The following FAIM2 variants were observed in gnomAD, a reference collection of about 807,000 sequenced individuals.
FAIM2 encodes protein lifeguard 2.
A neutral mutation model predicts 47.4 loss-of-function variants in FAIM2; 27 were observed. The observed-to-expected ratio is 0.57, with a 90% CI of 0.42 to 0.78. FAIM2 has a LOEUF of 0.78. FAIM2 is among the 30% of genes least tolerant of loss of function. The pLI, the probability that FAIM2 is intolerant of heterozygous loss-of-function variation, is 0.00. For synonymous variants in FAIM2, 156 were observed against 159.3 expected, an observed-to-expected ratio of 0.98 and a Z score of 0.16; for missense variants, 311 against 389.4, an observed-to-expected ratio of 0.80 and a Z score of 1.69.
chr12:49,881,609 C>T (rs1592788432), intron 11 of FAIM2, among the ~76,000 whole-genome samples: 1 of 152,292 alleles, frequency 6.6e-6, no homozygotes, highest in Middle Eastern at 3.4e-3. Flanking sequence ...GCCCGACCCT[C>T]GTGCTTCCTG....
At chr12:49,890,236 C>T (rs1946890779) in intron 7 of FAIM2, 82 bp from the exon 8 acceptor site, 6 of 1,291,328 alleles carry the variant, frequency 4.6e-6, no homozygotes, top group Non-Finnish European at 5.6e-6. Context: ...CTCAGGTCTC[C>T]ACCCCTTGCA....
At chr12:49,886,838 T>G (rs970855916) in intron 11 of FAIM2, among the ~76,000 whole-genome samples, 2 of 152,186 alleles carry the variant, frequency 1.3e-5, no homozygotes, top group African/African-American at 4.8e-5. Flanking sequence ...AATTAAATGC[T>G]ATGGAGAGCT....
At chr12:49,877,413 G>A (rs996171097) in intron 11 of FAIM2, among the ~76,000 whole-genome samples, 4 of 97,306 alleles carry the variant, frequency 4.1e-5, no homozygotes, top group African/African-American at 1.7e-4. Flanking sequence ...CAGTGGCAGA[G>A]GGTGGGCGAC....
rs1282034410 is a variant in FAIM2 at position 49,870,230 on chromosome 12, C to T, written c.*274G>A. On this transcript the variant is annotated 3_prime_UTR_variant, in exon 12 of 12. Transcript: ENST00000320634. ...TTCTCCTCCTTGTCCCTTGGACCCT[C>T]AAACCCAGAGGAGCCTTCAGCCTTG... 2 of 357,342 alleles carry T rather than the reference C, an allele frequency of 5.6e-6. No homozygotes were observed. Among genetic ancestry groups the T allele is most frequent in the Non-Finnish European group, 1.0e-5 (2 of 192,688 alleles). The allele number at this position is 357,342 out of a possible 1,614,324, so 22.1% of individuals were successfully genotyped here. A position where few individuals can be genotyped will look rare whatever the true frequency, so the allele number is the denominator to read the frequency against.
chr12:49,901,013 AG>A lies in FAIM2; in HGVS notation c.211+116del. ...CCAAATCCTAAGCATCTAACAACAC[AG>A]CTTCATACAACCACACAGTGTACCT... On this transcript the variant is annotated intron_variant, in intron 2 of 11. Transcript: ENST00000320634. 1.9e-5 allele frequency: 14 copies of A among 744,144 alleles called. No individual in the cohort carries two copies. In the South Asian group the frequency reaches 3.3e-4, roughly 17 times the overall value. 46.1% of individuals were successfully genotyped at this position (744,144 alleles called of 1,614,324 possible).
At position 49,892,483 on chromosome 12, in the gene FAIM2, T is replaced by C. The variant is rs547891319; in HGVS notation, c.435-1369A>G. Among the ~76,000 whole-genome samples, 43 of 152,284 alleles carry C rather than the reference T, an allele frequency of 2.8e-4. No homozygotes were observed. The South Asian group carries it at 7.7e-3, about 27-fold the overall frequency. ...CAAACACAGTCTCAGCACTACTCAA[T>C]AGGAGCTGGCTCTGCCACATCACAG... On this transcript the variant is annotated intron_variant, in intron 5 of 11. Transcript: ENST00000320634.
chr12:49,882,431 A>C (rs1038568464), intron 11 of FAIM2, among the ~76,000 whole-genome samples: 1 of 152,002 alleles, frequency 6.6e-6, no homozygotes, highest in Non-Finnish European at 1.5e-5. Flanking sequence ...AACTGAGAGG[A>C]GGTAAGGGAA....
chr12:49,884,240 A>C (rs1342910231), intron 11 of FAIM2, among the ~76,000 whole-genome samples: 1 of 150,864 alleles, frequency 6.6e-6, no homozygotes, highest in Non-Finnish European at 1.5e-5. Context: ...AAAAAAAAAC[A>C]AAAAACAGAG....
chr12:49,897,824 T>C (rs1592794650), intron 3 of FAIM2, among the ~76,000 whole-genome samples, 163 bp downstream of exon 3: 1 of 152,062 alleles, frequency 6.6e-6, no homozygotes, highest in South Asian at 2.1e-4. Flanking sequence ...CACAGGGCAC[T>C]GGAGTGACAC....
rs1240051538 is a variant in FAIM2 at position 49,874,665 on chromosome 12, C to T, written c.802-4012G>A. Among the ~76,000 whole-genome samples the T allele has an allele frequency of 3.3e-5, 5 of 152,182 alleles. No homozygotes were observed. Among genetic ancestry groups the T allele is most frequent in the East Asian group, 3.8e-4 (2 of 5,202 alleles). Reference sequence around the variant, plus strand: ...ATGGAAAGGCCAGCTCAGAGCCACCCGCAGGCAGGCACTGAATACAAAAAG... The same window carrying T: ...ATGGAAAGGCCAGCTCAGAGCCACCTGCAGGCAGGCACTGAATACAAAAAG... On this transcript the variant is annotated intron_variant, in intron 11 of 11. Coordinates refer to ENST00000320634, the MANE Select transcript of FAIM2 (RefSeq NM_012306.4). The surrounding 1 kb of genome is among the most constrained non-coding windows in gnomAD (Gnocchi z 4.2).
At chr12:49,900,110 C>A (rs562909104) in intron 2 of FAIM2, 49 of 895,012 alleles carry the variant, frequency 5.5e-5, no homozygotes, top group Non-Finnish European at 7.6e-5. Context: ...GAAAGTGGGC[C>A]GGCGGGTGTG....
intron 11 of FAIM2, among the ~76,000 whole-genome samples, 168 bp downstream of exon 11, chr12:49,887,218 A>G (rs2137096276): frequency 6.6e-6 from 1 of 152,178 alleles, no homozygotes; most frequent in Non-Finnish European, 1.5e-5. Flanking sequence ...ACCAGGTAGA[A>G]TCCCCCAAAT....
intron 1 of FAIM2, among the ~76,000 whole-genome samples, chr12:49,903,076 G>T (rs568985858): frequency 6.6e-6 from 1 of 152,172 alleles, no homozygotes; most frequent in East Asian, 1.9e-4. Context: ...CCAGGCCCTA[G>T]TGGTTGTATA....
chr12:49,897,218 C>T lies in FAIM2; in HGVS notation c.381-134G>A, dbSNP rs370040529. On this transcript the variant is annotated intron_variant, in intron 4 of 11. Transcript: ENST00000320634. Reference sequence around the variant, plus strand: ...CAAAGGAATGCAGCCCCTGGAGGCTCGGGGAGTCCCAGCCCACAGTCCCCG... The same window carrying T: ...CAAAGGAATGCAGCCCCTGGAGGCTTGGGGAGTCCCAGCCCACAGTCCCCG... 4.7e-4 allele frequency: 371 copies of T among 785,740 alleles called. 2 individuals carry two copies. Among genetic ancestry groups the T allele is most frequent in the African/African-American group, 3.4e-3 (199 of 58,680 alleles). 48.7% of individuals were successfully genotyped at this position (785,740 alleles called of 1,614,324 possible).
At chr12:49,896,181 C>T (rs1032172975) in intron 5 of FAIM2, among the ~76,000 whole-genome samples, 1 of 152,188 alleles carries the variant, frequency 6.6e-6, no homozygotes, top group Non-Finnish European at 1.5e-5. Flanking sequence ...GGCCTCCTCT[C>T]CCGCAGCCCC....
intron 10 of FAIM2, 98 bp downstream of exon 10, chr12:49,889,009 C>T (rs1946880622): frequency 2.3e-6 from 2 of 878,878 alleles, no homozygotes; most frequent in Non-Finnish European, 3.7e-6. Flanking sequence ...GGGGCCTTGG[C>T]TCCTGGCCTT....
intron 11 of FAIM2, among the ~76,000 whole-genome samples, chr12:49,885,908 G>A (rs1946857757): frequency 6.6e-6 from 1 of 152,082 alleles, no homozygotes; most frequent in Admixed American, 6.5e-5. Flanking sequence ...AAAGACCTGC[G>A]GAGAGGACGC....
chr12:49,890,018 A>C (rs1946888490), intron 8 of FAIM2, 99 bp downstream of exon 8: 1 of 1,238,372 alleles, frequency 8.1e-7, no homozygotes, highest in Non-Finnish European at 1.2e-6. Context: ...GCCCATCCAC[A>C]TGCTCCCATG....
rs138155469 is a variant in FAIM2 at position 49,901,173 on chromosome 12, G to T, written c.168C>A (p.Pro56=). ...AGCTAGGGTGGAGAGGCACCGCTGT[G>T]GGGGCTGGGGGGAAGGCCCCTGCCT... The part of the protein sequence containing the change: ...GMKAGAFPPA[P]TAVPLHPSWA... The change falls in exon 2 of 12, where the codon CCC becomes CCA. Residue 56 remains proline, a synonymous_variant. Transcript: ENST00000320634. 4 of 1,606,872 alleles carry T rather than the reference G, an allele frequency of 2.5e-6. No individual in the cohort carries two copies. Among genetic ancestry groups the T allele is most frequent in the Non-Finnish European group, 2.5e-6 (3 of 1,177,128 alleles).
Sources: gnomAD v4.1 joint callset for allele counts (sites outside exome capture counted in the v4.1 genomes callset) on GRCh38, gnomAD v4.1.1 for gene constraint, Gnocchi (gnomAD v3.1) non-coding constraint, MANE v1.5 for transcripts, NCBI Gene and HGNC (gene_info 2026-07-23, HGNC 2026-07-21) for gene names.